Variants in ITGAD observed in about 807,000 individuals in gnomAD.
The protein encoded by ITGAD is integrin subunit alpha D, also known as integrin alpha-D.
ITGAD carries 105 observed loss-of-function variants against 139.0 expected under a neutral mutation model. The ratio of observed to expected loss-of-function variants is 0.76; its 90% confidence interval spans 0.65 to 0.89. The LOEUF is 0.89. ITGAD is among the 40% of genes least tolerant of loss of function. The probability of loss-of-function intolerance (pLI) is 0.00; values close to 1 mark genes in which losing one functional copy is unlikely to be tolerated. For synonymous variants in ITGAD, 569 were observed against 598.3 expected (o/e 0.95, Z 0.71); for missense variants, 1,384 against 1,487.3 (o/e 0.93, Z 1.14).
At chr16:31,397,091 T>G (rs982614362) in intron 2 of ITGAD, among the ~76,000 whole-genome samples, 6 of 104,392 alleles carry the variant, frequency 5.7e-5, no homozygotes, top group Non-Finnish European at 1.2e-4. Context: ...TTTTTTTTTT[T>G]GGTGAATGTT....
Position 31,424,123 on chromosome 16 carries a change from G to C in ITGAD, c.3181G>C (p.Val1061Leu). The C allele has an allele frequency of 6.2e-7, 1 of 1,614,232 alleles. No homozygotes were observed. Residue 1061 changes from valine to leucine, a missense_variant, in exon 28 of 30, where the codon GTC (valine) becomes CTC (leucine). Coordinates refer to ENST00000389202, the MANE Select transcript of ITGAD (RefSeq NM_005353.3). ...GCAGACATTGCAGAAGAAGGTGTTGGTCGTGAGTGTGGCTGAAATTACGTT... is the reference window on the plus strand; with the variant it reads ...GCAGACATTGCAGAAGAAGGTGTTGCTCGTGAGTGTGGCTGAAATTACGTT... ...VRETLQKKVLVVSVAEITFDT... is the reference protein window; with the variant it reads ...VRETLQKKVLLVSVAEITFDT...
chr16:31,408,590 C>T, intron 10 of ITGAD, 92 bp downstream of exon 10: 2 of 1,117,790 alleles, frequency 1.8e-6, no homozygotes, highest in Non-Finnish European at 2.7e-6. Flanking sequence ...TAAACAAGAG[C>T]AGACCCCATC....
intron 16 of ITGAD, among the ~76,000 whole-genome samples, chr16:31,414,211 C>T (rs2081818372): frequency 6.6e-6 from 1 of 151,760 alleles, no homozygotes; most frequent in African/African-American, 2.4e-5. Context: ...TAATCTGTCA[C>T]CTATTTAATC....
Position 31,413,075 on chromosome 16 carries a change from A to G in ITGAD, c.1839-14A>G. 1 of 1,613,118 alleles carries G rather than the reference A, an allele frequency of 6.2e-7. No homozygotes were observed. Among genetic ancestry groups the G allele is most frequent in the Non-Finnish European group, 8.5e-7 (1 of 1,179,678 alleles). ...AAGCCAGTGTTCTGTCCTCCCCACTACTCTGCCCCTCAGGAGTCTGCCGGT... is the reference window on the plus strand; with the variant it reads ...AAGCCAGTGTTCTGTCCTCCCCACTGCTCTGCCCCTCAGGAGTCTGCCGGT... On this transcript the variant is annotated splice_polypyrimidine_tract_variant and intron_variant, in intron 15 of 29. Coordinates refer to ENST00000389202, the MANE Select transcript of ITGAD (RefSeq NM_005353.3).
intron 17 of ITGAD, 76 bp from the exon 18 acceptor site, chr16:31,414,784 A>G (rs2081840542): frequency 6.3e-7 from 1 of 1,579,774 alleles, no homozygotes. Flanking sequence ...GGCAGTGGGG[A>G]GTGGATGCAG....
chr16:31,402,002 T>G lies in ITGAD; in HGVS notation c.428-113T>G. The G allele has an allele frequency of 3.4e-6, 4 of 1,187,104 alleles. No individual in the cohort carries two copies. The South Asian group carries it at 4.9e-5, about 14-fold the overall frequency. 73.5% of individuals were successfully genotyped at this position (1,187,104 alleles called of 1,614,324 possible). A position where few individuals can be genotyped will look rare whatever the true frequency, so the allele number is the denominator to read the frequency against. ...GACTGGGGCCTCCTCCAAGGAGGGG[T>G]CGGAAACTAGGTGGGGATGCCAAGA... On this transcript the variant is annotated intron_variant, in intron 5 of 29. Transcript: ENST00000389202.
In ITGAD at chr16:31,393,351, C is replaced by T. The variant is rs774968517; in HGVS notation, c.-10C>T. The T allele has an allele frequency of 5.2e-5, 84 of 1,614,030 alleles. No homozygotes were observed. Among genetic ancestry groups the T allele is most frequent in the Middle Eastern group, 1.6e-4 (1 of 6,084 alleles). On this transcript the variant is annotated 5_prime_UTR_variant, in exon 1 of 30. Transcript: ENST00000389202. ...CAACCTTCCACTTCCCCTCAACGCG[C>T]TGCTCAGGGATGACCTTCGGCACTG...
At chr16:31,409,344 AAAAC>A (rs201504187) in intron 10 of ITGAD, among the ~76,000 whole-genome samples, 9,932 of 150,004 alleles carry the variant, frequency 0.066, 474 homozygotes, top group South Asian at 0.24. Context: ...AAAGCAAAAA[AAAAC>A]AAAAACAAAC....
chr16:31,420,013 G>C (rs532112809), intron 23 of ITGAD, among the ~76,000 whole-genome samples: 5 of 152,106 alleles, frequency 3.3e-5, no homozygotes, highest in South Asian at 4.2e-4. Flanking sequence ...TAAAAGGAAG[G>C]CTTCCTTTTT....
chr16:31,413,321 G>A (rs990108629), intron 16 of ITGAD, 75 bp downstream of exon 16: 98 of 1,472,026 alleles, frequency 6.7e-5, no homozygotes, highest in Non-Finnish European at 8.7e-5. Flanking sequence ...AGGATGGGAT[G>A]GGCCTAGGAA....
At chr16:31,414,073 T>C (rs2081812741) in intron 16 of ITGAD, among the ~76,000 whole-genome samples, 1 of 152,212 alleles carries the variant, frequency 6.6e-6, no homozygotes, top group Admixed American at 6.5e-5. Context: ...CTATCTATTA[T>C]CTATTAATCT....
At chr16:31,406,658 G>T (rs972267191) in intron 7 of ITGAD, among the ~76,000 whole-genome samples, 2 of 152,168 alleles carry the variant, frequency 1.3e-5, no homozygotes, top group African/African-American at 2.4e-5. Context: ...CCTCCAATAA[G>T]GCAGCTGGAC....
In ITGAD at chr16:31,414,603, C is replaced by A; in HGVS notation, c.2149C>A (p.Pro717Thr). The change falls in exon 17 of 30, where the codon CCA (proline) becomes ACA (threonine). Residue 717 changes from proline (P) to threonine (T), a missense_variant and splice_region_variant. Pro to Thr is a conservative substitution (Grantham distance 38, BLOSUM62 -1). Coordinates refer to ENST00000389202, the MANE Select transcript of ITGAD (RefSeq NM_005353.3). Reference protein sequence around the residue: ...IHCETLKLLLPDCVEDVVSPI... With the variant: ...IHCETLKLLLTDCVEDVVSPI... ...CTGTGAAACCCTGAAGCTGCTTTTG[C>A]CAGTGAGGACTTTGGGTTCTGGGAA... 1 of 1,613,988 alleles carries A rather than the reference C, an allele frequency of 6.2e-7. No individual in the cohort carries two copies. The highest frequency in any genetic ancestry group is 8.5e-7 in the Non-Finnish European group (1 of 1,179,892).
At chr16:31,401,047 C>G (rs192355756) in intron 5 of ITGAD, among the ~76,000 whole-genome samples, 17 of 152,130 alleles carry the variant, frequency 1.1e-4, no homozygotes, top group Non-Finnish European at 2.4e-4. Context: ...TCGTTAGAGC[C>G]CAGGAGGTTG....
At chr16:31,421,314 C>A (rs2082001617) in intron 23 of ITGAD, among the ~76,000 whole-genome samples, 1 of 151,386 alleles carries the variant, frequency 6.6e-6, no homozygotes, top group South Asian at 2.1e-4. Context: ...GATCTGAAAA[C>A]AGGCTTAGGC....
intron 1 of ITGAD, among the ~76,000 whole-genome samples, 174 bp from the exon 2 acceptor site, chr16:31,394,062 C>T (rs1325061699): frequency 2.8e-5 from 4 of 144,944 alleles, no homozygotes; most frequent in African/African-American, 5.3e-5. Flanking sequence ...ACCCAGGAGA[C>T]GGAAGTTGCA....
Position 31,416,494 on chromosome 16 carries a change from T to C in ITGAD, c.2358-11T>C. 10 of 1,604,486 alleles carry C rather than the reference T, an allele frequency of 6.2e-6. No individual in the cohort carries two copies. Among genetic ancestry groups the C allele is most frequent in the Non-Finnish European group, 8.5e-6 (10 of 1,172,052 alleles). ...TGGAGCGCCACTCCCAGCCTCGTCC[T>C]TCCCCTTCAGCCTGCAGACCCTGAC... On this transcript the variant is annotated splice_polypyrimidine_tract_variant and intron_variant, in intron 19 of 29. Coordinates refer to ENST00000389202, the MANE Select transcript of ITGAD (RefSeq NM_005353.3).
intron 23 of ITGAD, among the ~76,000 whole-genome samples, chr16:31,419,765 C>T (rs542831261): frequency 1.4e-5 from 2 of 145,512 alleles, no homozygotes; most frequent in South Asian, 2.1e-4. Flanking sequence ...GAGCTGAGAT[C>T]GCGCTGCTGC....
At chr16:31,405,593 G>C (rs953986937) in intron 7 of ITGAD, among the ~76,000 whole-genome samples, 4 of 147,136 alleles carry the variant, frequency 2.7e-5, no homozygotes, top group Non-Finnish European at 3.0e-5. Context: ...TTTTCATCCT[G>C]TCTGGGTTTT....
Sources: allele counts gnomAD v4.1 joint callset (sites outside exome capture counted in the v4.1 genomes callset), GRCh38; gene constraint gnomAD v4.1.1; transcripts MANE v1.5; gene names NCBI Gene and HGNC (gene_info 2026-07-23, HGNC 2026-07-21).